IL12RB2: variants seen among roughly 807,000 people sequenced by gnomAD.
IL12RB2 encodes the protein interleukin 12 receptor subunit beta 2.
Under a neutral mutation model 89.4 loss-of-function variants are expected in IL12RB2, and 82 were observed. The ratio of observed to expected loss-of-function variants is 0.92; its 90% CI spans 0.77 to 1.10. The LOEUF (loss-of-function observed/expected upper bound fraction) is 1.10, where lower values mean the gene tolerates loss of function less well. IL12RB2 is among the 50% of genes least tolerant of loss of function. The pLI is 0.00. For synonymous variants in IL12RB2, 368 were observed against 370.1 expected (o/e 0.99, Z 0.07); for missense variants, 963 against 1,031.9 (o/e 0.93, Z 0.92).
At chr1:67,328,535 A>G (rs536952486) in intron 6 of IL12RB2, 151 bp downstream of exon 6, 18 of 1,384,986 alleles carry the variant, frequency 1.3e-5, no homozygotes, top group Non-Finnish European at 1.6e-5. Flanking sequence ...TGATGCAAGT[A>G]AAAGGGTGCA....
At chr1:67,387,074 G>A (rs946531022) in intron 15 of IL12RB2, among the ~76,000 whole-genome samples, 4 of 151,042 alleles carry the variant, frequency 2.6e-5, no homozygotes, top group African/African-American at 9.8e-5. Flanking sequence ...GATTACAGGT[G>A]CCCACCACCA....
chr1:67,384,170 T>TC (rs775053839), intron 14 of IL12RB2, among the ~76,000 whole-genome samples: 17 of 152,142 alleles, frequency 1.1e-4, no homozygotes, highest in Non-Finnish European at 2.5e-4. Context: ...CCATAAGGGC[T>TC]CCGCCCCTGC....
Position 67,326,528 on chromosome 1 carries a change from A to T in IL12RB2, c.365-207A>T, listed in dbSNP as rs867823423. Among the ~76,000 whole-genome samples, 10 of 152,344 alleles carry T rather than the reference A, an allele frequency of 6.6e-5. No individual in the cohort carries two copies. The South Asian group carries it at 2.1e-3, about 32-fold the overall frequency. On this transcript the variant is annotated intron_variant, in intron 4 of 16. Coordinates refer to ENST00000674203, the MANE Select transcript of IL12RB2 (RefSeq NM_001374259.2). The stretch of plus-strand genomic sequence containing the variant: ...CACTGGGCTAGGCATATAGTATTTG[A>T]TCCATATTCACTACTATTATTACTG...
At chr1:67,358,173 T>C (rs892532969) in intron 10 of IL12RB2, among the ~76,000 whole-genome samples, 1 of 151,976 alleles carries the variant, frequency 6.6e-6, no homozygotes, top group Non-Finnish European at 1.5e-5. Context: ...ACACTAGATA[T>C]GTCAATAACA....
rs1055562032 is a variant in IL12RB2, at chr1:67,395,872, C to A, written c.2372C>A (p.Ala791Glu). The A allele has an allele frequency of 6.2e-7, 1 of 1,608,394 alleles. No homozygotes were observed. The highest frequency in any genetic ancestry group is 8.5e-7 in the Non-Finnish European group (1 of 1,175,466). The part of the protein sequence containing the change: ...NPACPWTVLP[A>E]GDLPTHDGYL... ...GCCTGTCCCTGGACGGTGCTCCCAGCAGGTGACCTTCCCACCCATGATGGC... is the reference window on the plus strand; with the variant it reads ...GCCTGTCCCTGGACGGTGCTCCCAGAAGGTGACCTTCCCACCCATGATGGC... The change falls in exon 17 of 17, where the codon GCA becomes GAA. Residue 791 changes from alanine (A) to glutamate (E), a missense_variant. Coordinates refer to ENST00000674203, the MANE Select transcript of IL12RB2 (RefSeq NM_001374259.2).
chr1:67,331,975 A>T (rs2100691837), intron 8 of IL12RB2, among the ~76,000 whole-genome samples: 1 of 152,324 alleles, frequency 6.6e-6, no homozygotes, highest in South Asian at 2.1e-4. Flanking sequence ...CTTTTGTAAC[A>T]TTAACGTGCA....
rs766198614 is a variant in IL12RB2, at chr1:67,395,643, A to G, written c.2143A>G (p.Thr715Ala). The G allele has an allele frequency of 3.1e-6, 5 of 1,613,974 alleles. No individual in the cohort carries two copies. The African/African-American group carries it at 6.7e-5, about 22-fold the overall frequency. The change falls in exon 17 of 17, where the codon ACC becomes GCC. Residue 715 changes from threonine to alanine, a missense_variant. Coordinates refer to ENST00000674203, the MANE Select transcript of IL12RB2 (RefSeq NM_001374259.2). Reference sequence around the variant, plus strand: ...CATCAGTGAAGTCCTTCATCAAGTGACCCCAGTTTTCAGACATCCCCCCTG... The same window carrying G: ...CATCAGTGAAGTCCTTCATCAAGTGGCCCCAGTTTTCAGACATCCCCCCTG... Reference protein sequence around the residue: ...LVISEVLHQVTPVFRHPPCSN... With the variant: ...LVISEVLHQVAPVFRHPPCSN...
chr1:67,333,293 C>T (rs1168673125), intron 8 of IL12RB2, among the ~76,000 whole-genome samples: 5 of 151,650 alleles, frequency 3.3e-5, no homozygotes, highest in South Asian at 2.1e-4. Context: ...CTGATGTAAA[C>T]GTAAAAGGTG....
At chr1:67,368,797 G>C (rs1009717280) in intron 11 of IL12RB2, among the ~76,000 whole-genome samples, 1 of 152,146 alleles carries the variant, frequency 6.6e-6, no homozygotes, top group African/African-American at 2.4e-5. Context: ...TTCCTCATCT[G>C]AAAAATGAGG....
rs955356236 is a variant in IL12RB2, at chr1:67,396,820, T to C, written c.*731T>C. The C allele has an allele frequency of 6.6e-6, 1 of 152,430 alleles. No individual in the cohort carries two copies. The highest frequency in any genetic ancestry group is 1.5e-5 in the Non-Finnish European group (1 of 68,160). 9.4% of individuals were successfully genotyped at this position (152,430 alleles called of 1,614,324 possible). ...CCCAAGGTGGTCATGACTGGTCTCA[T>C]TTGCAGAAGTCTAAGAATGTACCTT... On this transcript the variant is annotated 3_prime_UTR_variant, in exon 17 of 17. Transcript: ENST00000674203.
At chr1:67,381,812 T>C (rs1025627146) in intron 14 of IL12RB2, among the ~76,000 whole-genome samples, 38 of 146,646 alleles carry the variant, frequency 2.6e-4, no homozygotes, top group African/African-American at 9.6e-4. Context: ...GCTCGATTAA[T>C]GTGGATTAAG....
At chr1:67,356,972 T>C (rs1254926163) in intron 10 of IL12RB2, among the ~76,000 whole-genome samples, 1 of 152,074 alleles carries the variant, frequency 6.6e-6, no homozygotes, top group Non-Finnish European at 1.5e-5. Context: ...CAGAAACAGG[T>C]AGTTATGAAG....
intron 4 of IL12RB2, among the ~76,000 whole-genome samples, chr1:67,323,410 G>A (rs1214118468): frequency 2.0e-5 from 3 of 152,186 alleles, no homozygotes; most frequent in African/African-American, 4.8e-5. Context: ...TAAATTATCT[G>A]AGCCTCAGTT....
At position 67,329,610 on chromosome 1, in the gene IL12RB2, AT is replaced by A; in HGVS notation, c.690del (p.Arg231GlufsTer9). ...DIVRPLPPWD[I>X]RIKFQKASVS... ...AGTGAGGCCTCTTCCTCCGTGGGAC[AT>A]TAGAATCAAATTTCAAAAGGCTTCT... On this transcript the variant is annotated frameshift_variant, in exon 7 of 17. Coordinates refer to ENST00000674203, the MANE Select transcript of IL12RB2 (RefSeq NM_001374259.2). LOFTEE classifies it high-confidence loss of function. The A allele has an allele frequency of 6.3e-7, 1 of 1,587,576 alleles. No homozygotes were observed. Among genetic ancestry groups the A allele is most frequent in the Non-Finnish European group, 8.7e-7 (1 of 1,155,624 alleles).
Position 67,351,059 on chromosome 1 carries a change from C to A in IL12RB2, c.1228C>A (p.Arg410Ser), listed in dbSNP as rs377267228. ...TTCAAAAGGCAGTTCTCTGCCCACT[C>A]GTATTAACATAATGAACCTGTGTGA... ...ANSKGSSLPT[R>S]INIMNLCEAG... The change falls in exon 10 of 17, where the codon CGT becomes AGT. Residue 410 changes from arginine (R) to serine (S), a missense_variant. Coordinates refer to ENST00000674203, the MANE Select transcript of IL12RB2 (RefSeq NM_001374259.2). The A allele has an allele frequency of 8.7e-6, 14 of 1,613,292 alleles. No individual in the cohort carries two copies. The African/African-American group carries it at 1.9e-4, about 22-fold the overall frequency.
At position 67,383,843 on chromosome 1, in the gene IL12RB2, A is replaced by C. The variant is rs1440245979; in HGVS notation, c.1856-2736A>C. Among the ~76,000 whole-genome samples the C allele has an allele frequency of 4.6e-5, 7 of 152,374 alleles. No homozygotes were observed. In the East Asian group the frequency reaches 1.3e-3, roughly 29 times the overall value. Reference sequence around the variant, plus strand: ...CTCATGCAAAAATTCAAAAAATTGCAACCTCAGGCATAAATAGGTTAACTC... The same window carrying C: ...CTCATGCAAAAATTCAAAAAATTGCCACCTCAGGCATAAATAGGTTAACTC... On this transcript the variant is annotated intron_variant, in intron 14 of 16. Coordinates refer to ENST00000674203, the MANE Select transcript of IL12RB2 (RefSeq NM_001374259.2).
intron 6 of IL12RB2, among the ~76,000 whole-genome samples, 198 bp from the exon 7 acceptor site, chr1:67,329,389 A>G (rs1226282830): frequency 6.6e-6 from 1 of 152,238 alleles, no homozygotes; most frequent in Non-Finnish European, 1.5e-5. Context: ...ATTATTTTAA[A>G]GATTCAGAAG....
intron 3 of IL12RB2, 21 bp from the exon 4 acceptor site, chr1:67,321,581 T>C: frequency 1.3e-6 from 2 of 1,517,228 alleles, no homozygotes; most frequent in Non-Finnish European, 1.8e-6. Context: ...AACTAAATAT[T>C]GCATCTGTAT....
At chr1:67,370,377 G>A (rs3790568) in intron 11 of IL12RB2, among the ~76,000 whole-genome samples, 19,620 of 152,018 alleles carry the variant, frequency 0.13, 2,025 homozygotes, top group African/African-American at 0.27. Flanking sequence ...GCTTCTGACC[G>A]TATAGAGCCA....
Sources: allele counts gnomAD v4.1 joint callset (sites outside exome capture counted in the v4.1 genomes callset), GRCh38; gene constraint gnomAD v4.1.1; transcripts MANE v1.5; gene names NCBI Gene and HGNC (gene_info 2026-07-23, HGNC 2026-07-21).